CSAD: variants seen among roughly 807,000 people sequenced by gnomAD.
CSAD encodes the protein P-selectin cytoplasmic tail-associated protein.
In CSAD, 47 loss-of-function variants were observed where a neutral mutation model predicts 61.5. That is an observed-to-expected ratio of 0.76 (90% CI 0.60 to 0.97). The LOEUF is 0.97. Ranked by LOEUF, CSAD falls within the 50% of genes least tolerant of loss-of-function variation. The pLI, the probability that CSAD is intolerant of heterozygous loss-of-function variation, is 0.00. For missense variants in CSAD, 611 were observed against 643.6 expected (o/e 0.95, Z 0.55); for synonymous variants, 245 against 252.7 (o/e 0.97, Z 0.29).
intron 10 of CSAD, among the ~76,000 whole-genome samples, chr12:53,162,362 G>C (rs1008076516): frequency 6.6e-6 from 1 of 151,946 alleles, no homozygotes; most frequent in African/African-American, 2.4e-5. Flanking sequence ...GAGATCAGGA[G>C]TTCAAGACCA....
At chr12:53,180,967 G>A (rs1941576660), upstream of CSAD, 1 of 241,704 alleles carries the variant, frequency 4.1e-6, no homozygotes, top group East Asian at 2.2e-4. Context: ...AAGGGAGGGG[G>A]ATCTCCGGGG....
At chr12:53,174,013 G>A (rs1592354797) in intron 2 of CSAD, 9 of 503,136 alleles carry the variant, frequency 1.8e-5, no homozygotes, top group Middle Eastern at 5.7e-4. Context: ...CATGTAAAAC[G>A]GGTCATACAG....
chr12:53,163,833 G>A (rs1209467608), intron 10 of CSAD, among the ~76,000 whole-genome samples: 1 of 152,144 alleles, frequency 6.6e-6, no homozygotes, highest in African/African-American at 2.4e-5. Flanking sequence ...AAAGTTGGAG[G>A]ACTCACACAT....
chr12:53,163,063 A>T (rs1451734657), intron 10 of CSAD, among the ~76,000 whole-genome samples: 1 of 139,344 alleles, frequency 7.2e-6, no homozygotes, highest in Non-Finnish European at 1.5e-5. Flanking sequence ...CTCTGTCTCA[A>T]AAAAAAAAAA....
At chr12:53,177,178 A>G (rs1185644368) in intron 2 of CSAD, among the ~76,000 whole-genome samples, 1 of 152,198 alleles carries the variant, frequency 6.6e-6, no homozygotes, top group Non-Finnish European at 1.5e-5. Context: ...ATACATTGTC[A>G]ATCGTTTCTC....
At chr12:53,159,080 G>A (rs1276742159) in intron 16 of CSAD, among the ~76,000 whole-genome samples, 1 of 152,146 alleles carries the variant, frequency 6.6e-6, no homozygotes, top group East Asian at 1.9e-4. Flanking sequence ...TCTGTGCCCT[G>A]TGATCTAGCA....
chr12:53,172,369 G>A lies in CSAD; in HGVS notation c.321C>T (p.Ile107=), dbSNP rs1318221777. 6.2e-7 allele frequency: 1 copy of A among 1,614,096 alleles called. No homozygotes were observed. The highest frequency in any genetic ancestry group is 8.5e-7 in the Non-Finnish European group (1 of 1,179,998). The change falls in exon 6 of 17, where the codon ATC becomes ATT. Residue 107 remains isoleucine (I), a synonymous_variant. Transcript: ENST00000444623. The part of the protein sequence containing the change: ...LDPHALAGRI[I]TESLNTSQYT... ...ACTGGCTGGTGTTGAGGCTCTCAGTGATAATGCGCCCGGCCAGAGCATGGG... is the reference window on the plus strand; with the variant it reads ...ACTGGCTGGTGTTGAGGCTCTCAGTAATAATGCGCCCGGCCAGAGCATGGG...
intron 2 of CSAD, chr12:53,177,865 C>T (rs1202544377): frequency 6.5e-6 from 1 of 153,486 alleles, no homozygotes; most frequent in Admixed American, 6.5e-5. Flanking sequence ...GTCTCAAACT[C>T]CTGGCCTCAG....
chr12:53,168,191 A>G (rs1164062665), intron 10 of CSAD, among the ~76,000 whole-genome samples: 3 of 152,234 alleles, frequency 2.0e-5, no homozygotes, highest in Non-Finnish European at 4.4e-5. Context: ...TAAGTAGATT[A>G]CTGGTTGCCT....
In CSAD at chr12:53,159,888, T is replaced by A; in HGVS notation, c.1217A>T (p.Glu406Val). The change falls in exon 15 of 17, where the codon GAG becomes GTG. Residue 406 changes from glutamate to valine, a missense_variant and splice_region_variant. Glu to Val is a moderately radical substitution (Grantham distance 121). Transcript: ENST00000444623. Reference sequence around the variant, plus strand: ...CCACAAAATAGAAAGGGGTCCTACCTCCATGACTAGCTCAAACCCTTCCCG... The same window carrying A: ...CCACAAAATAGAAAGGGGTCCTACCACCATGACTAGCTCAAACCCTTCCCG... ...KKREGFELVM[E>V]PEFVNVCFWF... 3 of 1,595,610 alleles carry A rather than the reference T, an allele frequency of 1.9e-6. No individual in the cohort carries two copies. The highest frequency in any genetic ancestry group is 2.6e-6 in the Non-Finnish European group (3 of 1,169,666).
At chr12:53,180,976 G>C, upstream of CSAD, 4 of 790,356 alleles carry the variant, frequency 5.1e-6, no homozygotes, top group Non-Finnish European at 4.8e-6. Context: ...GGATCTCCGG[G>C]GGAGGGAGGG....
At chr12:53,170,836 T>C in intron 8 of CSAD, 1 of 384,564 alleles carries the variant, frequency 2.6e-6, no homozygotes, top group Non-Finnish European at 4.9e-6. Context: ...TTCTCGTGCC[T>C]CAGCCTCCTA....
intron 10 of CSAD, among the ~76,000 whole-genome samples, chr12:53,163,791 GACT>G (rs1288777749): frequency 6.6e-6 from 1 of 152,188 alleles, no homozygotes; most frequent in African/African-American, 2.4e-5. Flanking sequence ...AAGAAACCCA[GACT>G]AGCGAAAAAC....
rs374930137 is a variant in CSAD, at chr12:53,171,928, C to A, written c.405G>T (p.Leu135=). Residue 135 remains leucine (L), a synonymous_variant, in exon 7 of 17, where the codon CTG becomes CTT. Coordinates refer to ENST00000444623, the MANE Select transcript of CSAD (RefSeq NM_001244705.2). ...CAGAGCTCCAGCCCACCAGGGCCCG[C>A]AGTTTCCTCAGCACCTCCTCTTCCA... ...VLMEEEVLRK[L]RALVGWSSGD... 1.4e-5 allele frequency: 23 copies of A among 1,614,120 alleles called. No individual in the cohort carries two copies. Among genetic ancestry groups the A allele is most frequent in the Middle Eastern group, 1.6e-4 (1 of 6,062 alleles).
chr12:53,161,402 T>A lies in CSAD; in HGVS notation c.703-13A>T, dbSNP rs776199622. 3.1e-6 allele frequency: 5 copies of A among 1,600,530 alleles called. No homozygotes were observed. In the South Asian group the frequency reaches 5.5e-5, roughly 18 times the overall value. On this transcript the variant is annotated splice_polypyrimidine_tract_variant and intron_variant, in intron 10 of 16. Coordinates refer to ENST00000444623, the MANE Select transcript of CSAD (RefSeq NM_001244705.2). ...ACGGCACAGCACCCTGTTGCCAAAA[T>A]GTAGAGGGAGAAAGATGTAAAGTCA...
intron 10 of CSAD, 61 bp downstream of exon 10, chr12:53,170,011 C>T (rs1940369968): frequency 1.4e-6 from 2 of 1,427,146 alleles, no homozygotes; most frequent in South Asian, 2.3e-5. Context: ...GAAAGGAGAG[C>T]CCAAATAACC....
At chr12:53,165,806 A>G (rs963662739) in intron 10 of CSAD, among the ~76,000 whole-genome samples, 3 of 152,218 alleles carry the variant, frequency 2.0e-5, no homozygotes, top group African/African-American at 7.2e-5. Flanking sequence ...AAAAAATTCA[A>G]TAGAATTACC....
chr12:53,179,671 A>C (rs1182648310), intron 1 of CSAD: 3 of 416,080 alleles, frequency 7.2e-6, no homozygotes, highest in South Asian at 9.0e-5. Flanking sequence ...ATCTGTCTAC[A>C]AAAAAAAAAA....
chr12:53,172,318 G>T (rs768028845), intron 6 of CSAD, 28 bp downstream of exon 6: 22 of 1,595,672 alleles, frequency 1.4e-5, no homozygotes, highest in Non-Finnish European at 1.9e-5. Flanking sequence ...TCCTTTGTGG[G>T]ATGGTAGAGG....
Sources: allele counts gnomAD v4.1 joint callset (sites outside exome capture counted in the v4.1 genomes callset), GRCh38; gene constraint gnomAD v4.1.1; transcripts MANE v1.5; gene names NCBI Gene and HGNC (gene_info 2026-07-23, HGNC 2026-07-21).